The following MFF variants were observed in gnomAD, a reference collection of about 807,000 sequenced individuals.
MFF encodes mitochondrial fission factor.
In MFF, 12 loss-of-function variants were observed where a neutral mutation model predicts 36.9. That is an observed-to-expected ratio of 0.33 (90% CI 0.21 to 0.53). The LOEUF (loss-of-function observed/expected upper bound fraction) is 0.53. Among genes scored for constraint, MFF ranks in the 20% least tolerant of loss-of-function variants. The pLI is 0.95. For missense variants in MFF, 348 were observed against 366.6 expected, an observed-to-expected ratio of 0.95 and a Z score of 0.42; for synonymous variants, 99 against 126.2, an observed-to-expected ratio of 0.78 and a Z score of 1.44.
rs1439107350 is a variant in MFF, at chr2:227,357,374, G to A, written c.*257G>A. 3.3e-6 allele frequency: 1 copy of A among 302,346 alleles called. No homozygotes were observed. The highest frequency in any genetic ancestry group is 2.1e-5 in the African/African-American group (1 of 47,682). 18.7% of individuals were successfully genotyped at this position (302,346 alleles called of 1,614,324 possible). A position where few individuals can be genotyped will look rare whatever the true frequency, so the allele number is the denominator to read the frequency against. ...CTCCCTTTGCATGTTTTGTAAATAG[G>A]CTCCAGTTTTGTTTTTTAAAAGGAA... On this transcript the variant is annotated 3_prime_UTR_variant, in exon 9 of 9. Transcript: ENST00000304593.
chr2:227,342,221 T>G (rs2106406468), intron 5 of MFF, among the ~76,000 whole-genome samples: 1 of 152,230 alleles, frequency 6.6e-6, no homozygotes, highest in South Asian at 2.1e-4. Flanking sequence ...ACCATATTTT[T>G]CATTATGGTT....
At chr2:227,355,798 A>G in intron 8 of MFF, 37 bp downstream of exon 8, 1 of 1,267,116 alleles carries the variant, frequency 7.9e-7, no homozygotes, top group African/African-American at 1.5e-5. Flanking sequence ...TTTCTCAGTT[A>G]TATTCATACA....
chr2:227,327,052 A>G (rs1465585650), intron 1 of MFF, among the ~76,000 whole-genome samples: 1 of 152,276 alleles, frequency 6.6e-6, no homozygotes, highest in East Asian at 1.9e-4. Context: ...ATCTGTATTT[A>G]TATATGTACA....
chr2:227,340,343 G>A lies in MFF; in HGVS notation c.403G>A (p.Val135Ile), dbSNP rs145143758. ...KRERSMSENA[V>I]RQNGQLVRND... ...AGAGCGGTCTATGAGTGAAAATGCT[G>A]TTCGCCAAAATGGACAGCTGGTCAG... The change falls in exon 5 of 9, where the codon GTT becomes ATT. Residue 135 changes from valine (V) to isoleucine (I), a missense_variant. Val to Ile is a conservative substitution (Grantham distance 29, BLOSUM62 3). Transcript: ENST00000304593. 168 of 1,614,018 alleles carry A rather than the reference G, an allele frequency of 1.0e-4. No homozygotes were observed. The African/African-American group carries it at 1.9e-3, about 18-fold the overall frequency.
intron 7 of MFF, among the ~76,000 whole-genome samples, chr2:227,352,810 A>C (rs1391779713): frequency 6.6e-6 from 1 of 152,188 alleles, no homozygotes; most frequent in Non-Finnish European, 1.5e-5. Context: ...CAGCTATTTT[A>C]TTTAAGTGTA....
At chr2:227,339,237 A>G (rs953577116) in intron 4 of MFF, among the ~76,000 whole-genome samples, 4 of 152,212 alleles carry the variant, frequency 2.6e-5, no homozygotes, top group African/African-American at 9.6e-5. Context: ...AATAAGCAGA[A>G]AAGTTAATGA....
chr2:227,338,252 C>G (rs1017989905), intron 4 of MFF, among the ~76,000 whole-genome samples: 5 of 151,484 alleles, frequency 3.3e-5, no homozygotes, highest in African/African-American at 1.2e-4. Flanking sequence ...ACCTGTAATC[C>G]CAGCTACTCG....
rs1575012846 is a variant in MFF at position 227,356,847 on chromosome 2, T to G, written c.745-139T>G. On this transcript the variant is annotated intron_variant, in intron 8 of 8. Transcript: ENST00000304593. ...TTTTCTATGTGTAGTTGTGTTTATT[T>G]TGCTCCAAATGAAACTTTCCATGTT... 2.2e-5 allele frequency: 15 copies of G among 680,486 alleles called. No homozygotes were observed. The East Asian group carries it at 3.9e-4, about 18-fold the overall frequency. 42.2% of individuals were successfully genotyped at this position (680,486 alleles called of 1,614,324 possible).
At chr2:227,348,371 T>C (rs2075819926) in intron 6 of MFF, among the ~76,000 whole-genome samples, 1 of 152,098 alleles carries the variant, frequency 6.6e-6, no homozygotes, top group Non-Finnish European at 1.5e-5. Flanking sequence ...CTACTTATCA[T>C]TGTTGAATCC....
chr2:227,353,260 A>C (rs535717186), intron 7 of MFF, among the ~76,000 whole-genome samples: 32 of 152,318 alleles, frequency 2.1e-4, no homozygotes, highest in African/African-American at 7.5e-4. Context: ...TAGTTTTCCT[A>C]TAGTCTGGAA....
At chr2:227,336,827 T>C (rs757435451) in intron 4 of MFF, among the ~76,000 whole-genome samples, 1 of 152,234 alleles carries the variant, frequency 6.6e-6, no homozygotes, top group Non-Finnish European at 1.5e-5. Context: ...TGGTTATTGG[T>C]GCCCAGTTCA....
intron 7 of MFF, among the ~76,000 whole-genome samples, chr2:227,353,266 T>G (rs2076090269): frequency 1.3e-5 from 2 of 152,206 alleles, no homozygotes; most frequent in Non-Finnish European, 2.9e-5. Flanking sequence ...TCCTATAGTC[T>G]GGAAAAAATC....
At chr2:227,355,631 G>T in intron 7 of MFF, 46 bp from the exon 8 acceptor site, 1 of 1,165,740 alleles carries the variant, frequency 8.6e-7, no homozygotes, top group South Asian at 1.2e-5. Flanking sequence ...CATTTACTCT[G>T]AGTTCTACTT....
chr2:227,354,744 TA>T (rs2076175397), intron 7 of MFF, among the ~76,000 whole-genome samples: 1 of 147,684 alleles, frequency 6.8e-6, no homozygotes. Context: ...AGTATTATTT[TA>T]TACACAGCAT....
intron 6 of MFF, 103 bp downstream of exon 6, chr2:227,347,487 C>A: frequency 1.1e-6 from 1 of 888,752 alleles, no homozygotes; most frequent in South Asian, 1.6e-5. Flanking sequence ...CTTCTAGCCT[C>A]TTTCTAAGAT....
chr2:227,325,565 C>G (rs867563253), intron 1 of MFF, 138 bp downstream of exon 1: 1 of 152,296 alleles, frequency 6.6e-6, no homozygotes, highest in African/African-American at 2.4e-5. Context: ...TGACCCGAGT[C>G]CCGTCCCCGG....
intron 4 of MFF, among the ~76,000 whole-genome samples, chr2:227,334,801 A>G (rs895194658): frequency 6.6e-6 from 1 of 152,206 alleles, no homozygotes; most frequent in African/African-American, 2.4e-5. Flanking sequence ...GAAGCAAGTA[A>G]AATATCCATC....
intron 5 of MFF, among the ~76,000 whole-genome samples, chr2:227,344,711 A>G (rs2075610581): frequency 7.0e-6 from 1 of 143,092 alleles, no homozygotes; most frequent in African/African-American, 2.6e-5. Context: ...ACACTGGCAA[A>G]AGTAGTCATC....
rs1559997138 is a variant in MFF, at chr2:227,357,385, GT to G, written c.*274del. 1 of 282,166 alleles carries G rather than the reference GT, an allele frequency of 3.5e-6. No individual in the cohort carries two copies. Among genetic ancestry groups the G allele is most frequent in the Non-Finnish European group, 6.6e-6 (1 of 150,914 alleles). The allele number at this position is 282,166 out of a possible 1,614,324, so 17.5% of individuals were successfully genotyped here. A position where few individuals can be genotyped will look rare whatever the true frequency, so the allele number is the denominator to read the frequency against. On this transcript the variant is annotated 3_prime_UTR_variant, in exon 9 of 9. Coordinates refer to ENST00000304593, the MANE Select transcript of MFF (RefSeq NM_001277062.2). ...TGTTTTGTAAATAGGCTCCAGTTTT[GT>G]TTTTTAAAAGGAATTTATTTTTTGC...
Sources: allele counts gnomAD v4.1 joint callset (sites outside exome capture counted in the v4.1 genomes callset), GRCh38; gene constraint gnomAD v4.1.1; transcripts MANE v1.5; gene names NCBI Gene and HGNC (gene_info 2026-07-23, HGNC 2026-07-21).